TAFA5: variants seen among roughly 807,000 people sequenced by gnomAD.
TAFA5 encodes TAFA chemokine like family member 5, also known as chemokine-like protein TAFA-5.
Under a neutral mutation model 15.3 loss-of-function variants are expected in TAFA5, and 6 were observed. That is an observed-to-expected ratio of 0.39 (90% CI 0.21 to 0.77). The LOEUF is 0.77. Among genes scored for constraint, TAFA5 ranks in the 30% least tolerant of loss-of-function variants. TAFA5 has a pLI of 0.41. For synonymous variants in TAFA5, 103 were observed against 80.7 expected, an observed-to-expected ratio of 1.28 and a Z score of -1.48; for missense variants, 161 against 193.1, an observed-to-expected ratio of 0.83 and a Z score of 0.98.
intron 1 of TAFA5, among the ~76,000 whole-genome samples, chr22:48,549,250 G>A (rs574515435): frequency 1.3e-5 from 2 of 152,316 alleles, no homozygotes; most frequent in East Asian, 1.9e-4. Context: ...TGTAGACACA[G>A]AGGGCTTCCA....
intron 3 of TAFA5, among the ~76,000 whole-genome samples, chr22:48,748,089 C>T (rs751635248): frequency 6.6e-6 from 1 of 152,132 alleles, no homozygotes; most frequent in Admixed American, 6.5e-5. Context: ...ACACGCGCTC[C>T]ACAGGCTCAG....
intron 1 of TAFA5, among the ~76,000 whole-genome samples, chr22:48,578,399 G>A (rs765179381): frequency 1.3e-5 from 2 of 152,206 alleles, no homozygotes; most frequent in Non-Finnish European, 1.5e-5. Context: ...AGGTCTAAAG[G>A]ACTCTGTTTT....
intron 1 of TAFA5, among the ~76,000 whole-genome samples, chr22:48,564,230 A>G (rs556627357): frequency 1.3e-5 from 2 of 152,360 alleles, no homozygotes; most frequent in African/African-American, 4.8e-5. Context: ...CAGCCTGAGG[A>G]TGGCAGGAAG....
chr22:48,544,298 G>T, intron 1 of TAFA5: 1 of 250,806 alleles, frequency 4.0e-6, no homozygotes, highest in South Asian at 5.5e-5. Context: ...TGGACCTGGG[G>T]GGCATCCTCC....
At chr22:48,501,093 A>G (rs1165688637) in intron 1 of TAFA5, among the ~76,000 whole-genome samples, 4 of 150,476 alleles carry the variant, frequency 2.7e-5, no homozygotes, top group African/African-American at 7.4e-5. Context: ...TTCCCCCGCC[A>G]CCAGACATTC....
chr22:48,691,687 G>A (rs1928546512), intron 2 of TAFA5, among the ~76,000 whole-genome samples: 1 of 152,236 alleles, frequency 6.6e-6, no homozygotes, highest in African/African-American at 2.4e-5. Flanking sequence ...CCCACCTGTG[G>A]ACCCTACGGG....
intron 3 of TAFA5, among the ~76,000 whole-genome samples, chr22:48,731,579 C>T (rs1373083447): frequency 6.6e-6 from 1 of 152,200 alleles, no homozygotes; most frequent in African/African-American, 2.4e-5. Flanking sequence ...ACCCCAGGTC[C>T]TTGAAGAATT....
intron 3 of TAFA5, among the ~76,000 whole-genome samples, chr22:48,737,514 C>A (rs1024898703): frequency 6.6e-6 from 1 of 152,184 alleles, no homozygotes; most frequent in Non-Finnish European, 1.5e-5. Context: ...CCCCTGATGC[C>A]AGCCGGGGTC....
intron 1 of TAFA5, among the ~76,000 whole-genome samples, chr22:48,582,251 C>T (rs1217649701): frequency 2.0e-5 from 3 of 151,864 alleles, no homozygotes; most frequent in Non-Finnish European, 4.4e-5. Context: ...GCATACCATA[C>T]ACCCCACATA....
At chr22:48,578,156 G>A (rs373272641) in intron 1 of TAFA5, among the ~76,000 whole-genome samples, 5 of 152,200 alleles carry the variant, frequency 3.3e-5, no homozygotes, top group East Asian at 3.9e-4. Flanking sequence ...ATTGGCTTGC[G>A]GAAAGGGCGT....
intron 1 of TAFA5, among the ~76,000 whole-genome samples, chr22:48,577,765 G>A (rs1379303145): frequency 1.3e-5 from 2 of 152,194 alleles, no homozygotes; most frequent in Non-Finnish European, 2.9e-5. Context: ...TAGTACAGAG[G>A]AGGGCCAGGT....
At chr22:48,603,249 G>C (rs139322842) in intron 1 of TAFA5, among the ~76,000 whole-genome samples, 1 of 152,354 alleles carries the variant, frequency 6.6e-6, no homozygotes, top group East Asian at 1.9e-4. Flanking sequence ...GTTCCGGTAG[G>C]GGGAGGGCTT....
At chr22:48,532,822 G>A (rs1922018979) in intron 1 of TAFA5, among the ~76,000 whole-genome samples, 1 of 152,204 alleles carries the variant, frequency 6.6e-6, no homozygotes, top group South Asian at 2.1e-4. Context: ...CGGGAAGACG[G>A]GCTGGGAGCA....
chr22:48,726,949 A>C (rs1929733890), intron 3 of TAFA5, among the ~76,000 whole-genome samples: 1 of 152,140 alleles, frequency 6.6e-6, no homozygotes, highest in South Asian at 2.1e-4. Flanking sequence ...CCACTCCTGG[A>C]TTCCCTAGCT....
chr22:48,613,788 C>A (rs1041608360), intron 1 of TAFA5, among the ~76,000 whole-genome samples: 1 of 152,204 alleles, frequency 6.6e-6, no homozygotes, highest in African/African-American at 2.4e-5. Context: ...TCCGGCCCTT[C>A]GTGACTCTGT....
intron 1 of TAFA5, among the ~76,000 whole-genome samples, chr22:48,565,682 G>C (rs759488760): frequency 4.6e-5 from 7 of 152,216 alleles, no homozygotes; most frequent in African/African-American, 9.7e-5. Context: ...CCCGGGACTT[G>C]CACCCACCGC....
At chr22:48,549,816 C>T (rs1201631912) in intron 1 of TAFA5, among the ~76,000 whole-genome samples, 2 of 152,224 alleles carry the variant, frequency 1.3e-5, no homozygotes, top group African/African-American at 4.8e-5. Context: ...CGGGCCCCTG[C>T]CCAGGTCTGA....
At chr22:48,551,354 A>G (rs752283086) in intron 1 of TAFA5, among the ~76,000 whole-genome samples, 2 of 152,108 alleles carry the variant, frequency 1.3e-5, no homozygotes, top group Non-Finnish European at 2.9e-5. Flanking sequence ...TAGTCTTGGC[A>G]GGTGCCAGCC....
intron 2 of TAFA5, chr22:48,693,237 T>TGA (rs1209489943): frequency 6.7e-7 from 1 of 1,501,558 alleles, no homozygotes; most frequent in African/African-American, 1.4e-5. Context: ...CCTGGCAGGA[T>TGA]GAGTCCAGAG....
Sources: allele counts gnomAD v4.1 joint callset (sites outside exome capture counted in the v4.1 genomes callset), GRCh38; gene constraint gnomAD v4.1.1; transcripts MANE v1.5; gene names NCBI Gene and HGNC (gene_info 2026-07-23, HGNC 2026-07-21).